The following RFTN1 variants were observed in gnomAD, a reference collection of about 807,000 sequenced individuals.
RFTN1 encodes the protein raftlin.
Under a neutral mutation model 46.5 loss-of-function variants are expected in RFTN1, and 26 were observed. The ratio of observed to expected loss-of-function variants is 0.56; its 90% CI spans 0.41 to 0.78. The LOEUF (loss-of-function observed/expected upper bound fraction) is 0.78. RFTN1 is among the 30% of genes least tolerant of loss of function. RFTN1 has a pLI of 0.00. For missense variants in RFTN1, 693 were observed against 718.7 expected, an observed-to-expected ratio of 0.96 and a Z score of 0.41; for synonymous variants, 261 against 284.2, an observed-to-expected ratio of 0.92 and a Z score of 0.82.
At chr3:16,496,824 C>T (rs968019972) in intron 1 of RFTN1, among the ~76,000 whole-genome samples, 3 of 152,100 alleles carry the variant, frequency 2.0e-5, no homozygotes, top group South Asian at 2.1e-4. Context: ...TGGAAACCGC[C>T]CAAACACCTT....
At position 16,509,802 on chromosome 3, in the gene RFTN1, C is replaced by T. The variant is rs78074327; in HGVS notation, c.-9+3640G>A. Among the ~76,000 whole-genome samples, 1 of 152,176 alleles carries T rather than the reference C, an allele frequency of 6.6e-6. No homozygotes were observed. The highest frequency in any genetic ancestry group is 1.5e-5 in the Non-Finnish European group (1 of 68,040). On this transcript the variant is annotated intron_variant, in intron 1 of 9. Transcript: ENST00000334133. The surrounding 1 kb of genome is among the most constrained non-coding windows in gnomAD (Gnocchi z 4.9). The stretch of plus-strand genomic sequence containing the variant: ...CACGAAATCACTCAGCCAATGTTTA[C>T]TGTGTCCCTACCCTCTGGCAGGCAC...
Position 16,499,513 on chromosome 3 carries a change from G to T in RFTN1, c.-8-5636C>A, listed in dbSNP as rs1297903801. 1.3e-5 allele frequency among the ~76,000 whole-genome samples: 2 copies of T among 152,222 alleles called. No homozygotes were observed. The highest frequency in any genetic ancestry group is 2.9e-5 in the Non-Finnish European group (2 of 68,048). ...GGCCATCTTGCCAGCAGGCCATGCT[G>T]GAAGTAGAGCTTCTGCCTCAGTCAA... On this transcript the variant is annotated intron_variant, in intron 1 of 9. Coordinates refer to ENST00000334133, the MANE Select transcript of RFTN1 (RefSeq NM_015150.2). This position sits in a 1 kb window ranked among gnomAD's most constrained non-coding sequence, Gnocchi z 4.9.
At chr3:16,501,669 C>G (rs932153912) in intron 1 of RFTN1, among the ~76,000 whole-genome samples, 12 of 152,212 alleles carry the variant, frequency 7.9e-5, no homozygotes, top group African/African-American at 2.9e-4. Context: ...TTTGAAGACG[C>G]AAGCATGTTT....
At chr3:16,347,339 TACA>T (rs1478425335) in intron 7 of RFTN1, among the ~76,000 whole-genome samples, 2 of 152,240 alleles carry the variant, frequency 1.3e-5, no homozygotes, top group Non-Finnish European at 1.5e-5. Context: ...ATTGGTGGAT[TACA>T]ACAATAGAAA....
At chr3:16,332,894 TAA>T (rs2070468762) in intron 7 of RFTN1, among the ~76,000 whole-genome samples, 1 of 152,238 alleles carries the variant, frequency 6.6e-6, no homozygotes, top group African/African-American at 2.4e-5. Context: ...CTATGTTCTG[TAA>T]AGTCATTGTG....
chr3:16,416,400 T>C (rs1335261619), intron 3 of RFTN1, among the ~76,000 whole-genome samples: 1 of 152,208 alleles, frequency 6.6e-6, no homozygotes, highest in East Asian at 1.9e-4. Flanking sequence ...TATAGTACCC[T>C]GGATTGGATC....
rs78144421 is a variant in RFTN1, at chr3:16,416,861, T to A, written c.333-7378A>T. On this transcript the variant is annotated intron_variant, in intron 3 of 9. Transcript: ENST00000334133. ...TCCAACTTCTTGCTTTCCTTACTTT[T>A]AAAAATTTTTTTATTATGATAAAAT... 5.0e-3 allele frequency among the ~76,000 whole-genome samples: 764 copies of A among 152,294 alleles called. 2 individuals carry two copies. The highest frequency in any genetic ancestry group is 0.015 in the African/African-American group (625 of 41,562).
chr3:16,477,196 G>T (rs1429158), intron 2 of RFTN1, among the ~76,000 whole-genome samples: 19 of 138,742 alleles, frequency 1.4e-4, no homozygotes, highest in Admixed American at 4.2e-4. Flanking sequence ...AAATTATTTG[G>T]TTTTTTTCCT....
At position 16,500,302 on chromosome 3, in the gene RFTN1, G is replaced by A. The variant is rs1054464518; in HGVS notation, c.-8-6425C>T. Among the ~76,000 whole-genome samples the A allele has an allele frequency of 1.3e-5, 2 of 152,168 alleles. No individual in the cohort carries two copies. The highest frequency in any genetic ancestry group is 4.8e-5 in the African/African-American group (2 of 41,438). On this transcript the variant is annotated intron_variant, in intron 1 of 9. Transcript: ENST00000334133. This position sits in a 1 kb window ranked among gnomAD's most constrained non-coding sequence, Gnocchi z 5.9. ...GTTCATTGTTGGATCAGCTTTGATT[G>A]ACAGGTGTCCAGGCATTTGTTTCTC...
chr3:16,335,477 T>A lies in RFTN1; in HGVS notation c.1147-8601A>T, dbSNP rs2070753168. Among the ~76,000 whole-genome samples the A allele has an allele frequency of 6.6e-6, 1 of 152,216 alleles. No homozygotes were observed. Among genetic ancestry groups the A allele is most frequent in the Non-Finnish European group, 1.5e-5 (1 of 68,042 alleles). Reference sequence around the variant, plus strand: ...TCCTTTGTGGGGACATGGATGGAGCTGGAAGCTGTTATCCTTAGCAAACTA... The same window carrying A: ...TCCTTTGTGGGGACATGGATGGAGCAGGAAGCTGTTATCCTTAGCAAACTA... On this transcript the variant is annotated intron_variant, in intron 7 of 9. Transcript: ENST00000334133. This position sits in a 1 kb window ranked among gnomAD's most constrained non-coding sequence, Gnocchi z 4.7.
rs1290419621 is a variant in RFTN1 at position 16,374,708 on chromosome 3, C to A, written c.826+3010G>T. On this transcript the variant is annotated intron_variant, in intron 5 of 9. Coordinates refer to ENST00000334133, the MANE Select transcript of RFTN1 (RefSeq NM_015150.2). The surrounding 1 kb of genome is among the most constrained non-coding windows in gnomAD (Gnocchi z 5.4). ...GTGAACCTGTCTAGCCTCCTGGTTT[C>A]TCTGATGGAAGCTGTGGCAACGGAG... Among the ~76,000 whole-genome samples the A allele has an allele frequency of 6.6e-6, 1 of 152,208 alleles. No homozygotes were observed.
chr3:16,490,830 G>A (rs756619460), intron 2 of RFTN1, among the ~76,000 whole-genome samples: 7 of 152,118 alleles, frequency 4.6e-5, no homozygotes, highest in Non-Finnish European at 1.0e-4. Flanking sequence ...CATACTTTCC[G>A]AGCATAGGCA....
At chr3:16,408,826 C>A (rs535417576) in intron 4 of RFTN1, among the ~76,000 whole-genome samples, 6 of 150,956 alleles carry the variant, frequency 4.0e-5, no homozygotes, top group African/African-American at 1.5e-4. Flanking sequence ...TGAACTCAGC[C>A]CCAATTTGGG....
intron 6 of RFTN1, among the ~76,000 whole-genome samples, chr3:16,363,511 AT>A (rs1231904718): frequency 1.2e-4 from 19 of 152,314 alleles, no homozygotes; most frequent in Middle Eastern, 6.8e-3. Flanking sequence ...GGAAAAGGAG[AT>A]TTGCCATATT....
Position 16,329,709 on chromosome 3 carries a change from C to G in RFTN1, c.1147-2833G>C, listed in dbSNP as rs1488258459. On this transcript the variant is annotated intron_variant, in intron 7 of 9. Transcript: ENST00000334133. This position sits in a 1 kb window ranked among gnomAD's most constrained non-coding sequence, Gnocchi z 4.5. ...GAGGAAAACCAATTTTAAATCCACA[C>G]TCTCAAGCTTTGCGAGGTTATGATT... is the stretch of plus-strand genomic sequence containing the variant. Among the ~76,000 whole-genome samples the G allele has an allele frequency of 6.6e-6, 1 of 152,174 alleles. No homozygotes were observed. Among genetic ancestry groups the G allele is most frequent in the African/African-American group, 2.4e-5 (1 of 41,444 alleles).
At position 16,348,415 on chromosome 3, in the gene RFTN1, C is replaced by G. The variant is rs141807605; in HGVS notation, c.1146+9517G>C. Among the ~76,000 whole-genome samples the G allele has an allele frequency of 6.6e-6, 1 of 152,268 alleles. No homozygotes were observed. Among genetic ancestry groups the G allele is most frequent in the East Asian group, 1.9e-4 (1 of 5,180 alleles). On this transcript the variant is annotated intron_variant, in intron 7 of 9. Coordinates refer to ENST00000334133, the MANE Select transcript of RFTN1 (RefSeq NM_015150.2). The surrounding 1 kb of genome is among the most constrained non-coding windows in gnomAD (Gnocchi z 6.3). ...TCTTCCAGCTGGCCTCTGCTCCTGT[C>G]ACTTCCCACAGCAGGAAGCCCCCAC...
At position 16,483,883 on chromosome 3, in the gene RFTN1, C is replaced by A. The variant is rs1307208617; in HGVS notation, c.145+9842G>T. Among the ~76,000 whole-genome samples, 1 of 152,190 alleles carries A rather than the reference C, an allele frequency of 6.6e-6. No homozygotes were observed. The highest frequency in any genetic ancestry group is 2.4e-5 in the African/African-American group (1 of 41,442). On this transcript the variant is annotated intron_variant, in intron 2 of 9. Transcript: ENST00000334133. This position sits in a 1 kb window ranked among gnomAD's most constrained non-coding sequence, Gnocchi z 4.8. ...GCAGATTCTCAGGCCTTGCCCTAGA[C>A]TTACTAAATCAGAAACTTTGAGGAT...
chr3:16,397,289 C>CAA (rs55675031), intron 4 of RFTN1, among the ~76,000 whole-genome samples: 5 of 151,312 alleles, frequency 3.3e-5, no homozygotes, highest in East Asian at 3.9e-4. Flanking sequence ...TATGTGGAAT[C>CAA]AAAAAAAAGA....
intron 7 of RFTN1, among the ~76,000 whole-genome samples, chr3:16,332,038 A>AT (rs898135694): frequency 2.0e-4 from 30 of 149,448 alleles, no homozygotes; most frequent in Middle Eastern, 3.4e-3. Flanking sequence ...AGTTTTTAGG[A>AT]TTTTTTTTTT....
Sources: allele counts gnomAD v4.1 joint callset (sites outside exome capture counted in the v4.1 genomes callset), GRCh38; gene constraint gnomAD v4.1.1; non-coding constraint Gnocchi (gnomAD v3.1); transcripts MANE v1.5; gene names NCBI Gene and HGNC (gene_info 2026-07-23, HGNC 2026-07-21).